The following NHSL3 variants were observed in gnomAD, a reference collection of about 807,000 sequenced individuals.
NHSL3 encodes NHS like 3.
the NHSL3 span, among the ~76,000 whole-genome samples, chr1:32,747,635 A>G: frequency 6.6e-6 from 1 of 152,032 alleles, no homozygotes; most frequent in Admixed American, 6.6e-5. Flanking sequence ...GCCAGATAAG[A>G]CACTGAGACC....
the NHSL3 span, chr1:32,772,303 C>T: frequency 1.2e-6 from 2 of 1,605,204 alleles, no homozygotes; most frequent in African/African-American, 1.3e-5. Context: ...CCCCAGTTAC[C>T]CTCGAGCTGA....
chr1:32,770,919 C>A, the NHSL3 span: 1 of 1,611,434 alleles, frequency 6.2e-7, no homozygotes, highest in East Asian at 2.2e-5. The surrounding 1 kb of genome is among the most constrained non-coding windows in gnomAD (Gnocchi z 8.3). Context: ...CACTTTCGCC[C>A]TCCAGTGGAT....
the NHSL3 span, chr1:32,772,191 G>T: frequency 6.2e-7 from 1 of 1,612,788 alleles, no homozygotes; most frequent in Non-Finnish European, 8.5e-7. Context: ...CAGAACTCCG[G>T]AGCATCTCAG....
the NHSL3 span, chr1:32,767,941 C>T: frequency 6.2e-7 from 1 of 1,613,850 alleles, no homozygotes; most frequent in South Asian, 1.1e-5. Flanking sequence ...AGGGGCTCCG[C>T]TCCCTACAAC....
the NHSL3 span, among the ~76,000 whole-genome samples, chr1:32,753,772 TGAGA>T: frequency 6.6e-6 from 1 of 152,210 alleles, no homozygotes. Context: ...GCCTCTGGGC[TGAGA>T]GAGTGGGCAA....
the NHSL3 span, chr1:32,771,236 C>T: frequency 6.2e-7 from 1 of 1,613,056 alleles, no homozygotes; most frequent in South Asian, 1.1e-5. Context: ...GCTGCCCCTG[C>T]TCTAGCCGCC....
chr1:32,754,155 C>G, the NHSL3 span: 1 of 710,524 alleles, frequency 1.4e-6, no homozygotes, highest in Non-Finnish European at 2.6e-6. Context: ...TCTGGCGGTT[C>G]GGGCGGTCGG....
the NHSL3 span, among the ~76,000 whole-genome samples, chr1:32,744,382 TG>T: frequency 1.3e-5 from 2 of 152,202 alleles, no homozygotes; most frequent in Admixed American, 1.3e-4. Flanking sequence ...TGACATTTAT[TG>T]ATTAGTCTGA....
At chr1:32,765,753 G>A in the NHSL3 span, 1 of 1,547,330 alleles carries the variant, frequency 6.5e-7, no homozygotes, top group Non-Finnish European at 8.7e-7. Flanking sequence ...GGAACGTCTC[G>A]AGTGGCGCCC....
At chr1:32,743,870 C>T in the NHSL3 span, among the ~76,000 whole-genome samples, 1 of 152,192 alleles carries the variant, frequency 6.6e-6, no homozygotes, top group Non-Finnish European at 1.5e-5. Flanking sequence ...GGTAACACCT[C>T]CTTGCCCCTG....
the NHSL3 span, chr1:32,770,475 C>T: frequency 6.3e-7 from 1 of 1,594,328 alleles, no homozygotes; most frequent in Non-Finnish European, 8.6e-7. The surrounding 1 kb of genome is among the most constrained non-coding windows in gnomAD (Gnocchi z 8.3). Context: ...GTTCCACCCT[C>T]TCCTCTAAGG....
At chr1:32,760,212 C>G in the NHSL3 span, among the ~76,000 whole-genome samples, 1 of 152,142 alleles carries the variant, frequency 6.6e-6, no homozygotes. Context: ...TCAGAGGGTT[C>G]GGCCTCCTGA....
chr1:32,772,342 C>T, the NHSL3 span: 2 of 1,597,574 alleles, frequency 1.3e-6, no homozygotes, highest in African/African-American at 2.7e-5. Flanking sequence ...CACCAATGGG[C>T]TCCCTCACAC....
At chr1:32,749,223 T>C in the NHSL3 span, among the ~76,000 whole-genome samples, 1 of 152,094 alleles carries the variant, frequency 6.6e-6, no homozygotes, top group Non-Finnish European at 1.5e-5. Flanking sequence ...TTTGTGGCAC[T>C]GGCCTCAGGC....
the NHSL3 span, chr1:32,771,916 CGA>C: frequency 6.3e-7 from 1 of 1,594,368 alleles, no homozygotes; most frequent in Non-Finnish European, 8.6e-7. Context: ...GAAACCACTG[CGA>C]AGGGCCCTGT....
the NHSL3 span, among the ~76,000 whole-genome samples, chr1:32,757,048 A>G: frequency 1.3e-5 from 2 of 152,210 alleles, no homozygotes; most frequent in Non-Finnish European, 2.9e-5. Flanking sequence ...TTGAGGTTCC[A>G]TTGTGAATGT....
chr1:32,768,044 C>A, the NHSL3 span: 2 of 1,613,764 alleles, frequency 1.2e-6, no homozygotes, highest in Non-Finnish European at 1.7e-6. Flanking sequence ...CCCAACAGAC[C>A]CTTCTGGTGT....
chr1:32,763,916 A>G, the NHSL3 span, among the ~76,000 whole-genome samples: 1 of 151,718 alleles, frequency 6.6e-6, no homozygotes, highest in Non-Finnish European at 1.5e-5. Context: ...GCGGGAGTGC[A>G]GTGGCTCAAA....
At chr1:32,770,225 C>T in the NHSL3 span, 2 of 1,604,806 alleles carry the variant, frequency 1.2e-6, no homozygotes, top group South Asian at 2.2e-5. The surrounding 1 kb of genome is among the most constrained non-coding windows in gnomAD (Gnocchi z 8.3). Flanking sequence ...CCCCAGGCCA[C>T]CTACCTGTCG....
Sources: allele counts gnomAD v4.1 joint callset (sites outside exome capture counted in the v4.1 genomes callset), GRCh38; gene constraint gnomAD v4.1.1; non-coding constraint Gnocchi (gnomAD v3.1); transcripts MANE v1.5; gene names NCBI Gene and HGNC (gene_info 2026-07-23, HGNC 2026-07-21).